Variants in MRTFA observed in about 807,000 individuals in gnomAD.
The protein encoded by MRTFA is myocardin related transcription factor A, also known as myocardin-related transcription factor A.
A neutral mutation model predicts 83.5 loss-of-function variants in MRTFA; 20 were observed. The observed-to-expected ratio is 0.24, with a 90% CI of 0.17 to 0.35. MRTFA has a LOEUF of 0.35. Among genes scored for constraint, MRTFA ranks in the 10% least tolerant of loss-of-function variants. The probability of loss-of-function intolerance (pLI) is 1.00; values close to 1 mark genes in which losing one functional copy is unlikely to be tolerated. For missense variants in MRTFA, 1,200 were observed against 1,224.7 expected, an observed-to-expected ratio of 0.98 and a Z score of 0.30; for synonymous variants, 659 against 541.2, an observed-to-expected ratio of 1.22 and a Z score of -3.02.
chr22:40,625,030 G>A (rs2056565353), intron 1 of MRTFA, among the ~76,000 whole-genome samples: 1 of 152,098 alleles, frequency 6.6e-6, no homozygotes, highest in South Asian at 2.1e-4. Context: ...AACTTCTACT[G>A]GGTAAAAGAA....
intron 3 of MRTFA, among the ~76,000 whole-genome samples, chr22:40,497,482 G>A (rs930433017): frequency 6.6e-6 from 1 of 152,150 alleles, no homozygotes; most frequent in Non-Finnish European, 1.5e-5. Context: ...ATATGGGTCA[G>A]GCTGGCTCAC....
At chr22:40,461,715 C>T (rs922092989) in intron 4 of MRTFA, among the ~76,000 whole-genome samples, 9 of 151,666 alleles carry the variant, frequency 5.9e-5, no homozygotes, top group Non-Finnish European at 1.0e-4. Flanking sequence ...AGGAGAATGG[C>T]GTGAACCCGG....
At chr22:40,561,235 T>TGTGTGC (rs1262908879) in intron 2 of MRTFA, among the ~76,000 whole-genome samples, 1 of 148,094 alleles carries the variant, frequency 6.8e-6, no homozygotes, top group African/African-American at 2.5e-5. Flanking sequence ...TGTGTGTGTG[T>TGTGTGC]AAAATCTGGT....
Position 40,510,082 on chromosome 22 carries a change from T to C in MRTFA, c.241+42024A>G, listed in dbSNP as rs146617876. On this transcript the variant is annotated intron_variant, in intron 3 of 14. Transcript: ENST00000355630. ...GAGCTGTGGGATGAGAGAAAAAGAATTGCAGAACCAGCAATCCAGTCAAAT... is the reference window on the plus strand; with the variant it reads ...GAGCTGTGGGATGAGAGAAAAAGAACTGCAGAACCAGCAATCCAGTCAAAT... Among the ~76,000 whole-genome samples, 409 of 151,626 alleles carry C rather than the reference T, an allele frequency of 2.7e-3. 7 individuals carry two copies. The highest frequency in any genetic ancestry group is 0.024 in the Middle Eastern group (7 of 292).
chr22:40,594,640 G>A (rs1304100978), intron 2 of MRTFA, 34 bp downstream of exon 2: 1 of 152,114 alleles, frequency 6.6e-6, no homozygotes, highest in African/African-American at 2.4e-5. Flanking sequence ...ATTAGGAAAG[G>A]AGGGAGGGAA....
chr22:40,493,178 G>C (rs1332880699), intron 3 of MRTFA, among the ~76,000 whole-genome samples: 1 of 152,156 alleles, frequency 6.6e-6, no homozygotes, highest in East Asian at 1.9e-4. Context: ...CTACCCAGCT[G>C]ATTATGAAAA....
intron 3 of MRTFA, among the ~76,000 whole-genome samples, chr22:40,517,233 C>A (rs1332037946): frequency 1.3e-5 from 2 of 152,094 alleles, no homozygotes; most frequent in Admixed American, 6.6e-5. Flanking sequence ...CCTTAAAATA[C>A]ATATTCTAAA....
intron 3 of MRTFA, among the ~76,000 whole-genome samples, chr22:40,478,484 C>T (rs2054034899): frequency 6.6e-6 from 1 of 152,134 alleles, no homozygotes; most frequent in African/African-American, 2.4e-5. Flanking sequence ...TTTTCAAAAC[C>T]CACGGAGGGC....
chr22:40,461,659 C>A (rs531493244), intron 4 of MRTFA, among the ~76,000 whole-genome samples: 1 of 150,302 alleles, frequency 6.7e-6, no homozygotes, highest in East Asian at 1.9e-4. Context: ...ATTAGCCAGG[C>A]GCTGTGGTGG....
chr22:40,572,238 G>C (rs1302805670), intron 2 of MRTFA, among the ~76,000 whole-genome samples: 1 of 152,114 alleles, frequency 6.6e-6, no homozygotes. Flanking sequence ...AATGGTACAG[G>C]TTCTCTTTGA....
chr22:40,574,401 CA>C (rs1157168933), intron 2 of MRTFA, among the ~76,000 whole-genome samples: 1 of 151,932 alleles, frequency 6.6e-6, no homozygotes, highest in African/African-American at 2.4e-5. Context: ...TACAGTATAA[CA>C]ACTACAGCAT....
intron 3 of MRTFA, among the ~76,000 whole-genome samples, chr22:40,479,133 G>A (rs1022264900): frequency 1.3e-5 from 2 of 152,144 alleles, no homozygotes; most frequent in African/African-American, 2.4e-5. Context: ...CAAGCTGAGC[G>A]CTTGCACAGG....
chr22:40,492,121 C>G (rs753088859), intron 3 of MRTFA, among the ~76,000 whole-genome samples: 3 of 152,266 alleles, frequency 2.0e-5, no homozygotes, highest in Admixed American at 6.5e-5. Context: ...CTCCAGCATG[C>G]TGGAGGAGAT....
intron 3 of MRTFA, among the ~76,000 whole-genome samples, chr22:40,489,226 G>GC (rs2054227615): frequency 6.6e-6 from 1 of 152,050 alleles, no homozygotes; most frequent in Non-Finnish European, 1.5e-5. Context: ...CAGCCCAAAA[G>GC]CAGGGACATC....
intron 3 of MRTFA, among the ~76,000 whole-genome samples, chr22:40,468,465 T>TC (rs2053846309): frequency 6.6e-6 from 1 of 152,074 alleles, no homozygotes; most frequent in African/African-American, 2.4e-5. Context: ...ACAAGACCCC[T>TC]CCCTCCACAT....
chr22:40,545,940 T>C (rs1417732008), intron 3 of MRTFA, among the ~76,000 whole-genome samples: 1 of 151,930 alleles, frequency 6.6e-6, no homozygotes, highest in Non-Finnish European at 1.5e-5. Flanking sequence ...TTGGCCAGGC[T>C]GGTCTTGAGC....
chr22:40,489,647 T>C (rs558652518), intron 3 of MRTFA, among the ~76,000 whole-genome samples: 6 of 152,050 alleles, frequency 3.9e-5, no homozygotes, highest in East Asian at 1.9e-4. Flanking sequence ...TGAGTCAATA[T>C]ACAGAATTCT....
At chr22:40,618,250 ATT>A (rs1011885827) in intron 1 of MRTFA, among the ~76,000 whole-genome samples, 15 of 104,082 alleles carry the variant, frequency 1.4e-4, no homozygotes, top group Admixed American at 3.0e-4. Context: ...AATTTTTTGT[ATT>A]TTTTTTTTTT....
At chr22:40,599,830 T>C (rs2056236654) in intron 1 of MRTFA, among the ~76,000 whole-genome samples, 1 of 150,504 alleles carries the variant, frequency 6.6e-6, no homozygotes. Context: ...CCCCGGGAGG[T>C]TGAGGCCGCA....
Sources: allele counts gnomAD v4.1 joint callset (sites outside exome capture counted in the v4.1 genomes callset), GRCh38; gene constraint gnomAD v4.1.1; transcripts MANE v1.5; gene names NCBI Gene and HGNC (gene_info 2026-07-23, HGNC 2026-07-21).